The following MYO1D variants were observed in gnomAD, a reference collection of about 807,000 sequenced individuals.
MYO1D encodes the protein unconventional myosin-Id.
MYO1D carries 83 observed loss-of-function variants against 122.0 expected under a neutral mutation model. The observed-to-expected ratio is 0.68, with a 90% confidence interval of 0.57 to 0.82. The LOEUF is 0.82. MYO1D is among the 40% of genes least tolerant of loss of function. The pLI is 0.00. For synonymous variants in MYO1D, 464 were observed against 446.9 expected (o/e 1.04, Z -0.48); for missense variants, 1,157 against 1,269.5 (o/e 0.91, Z 1.35).
At chr17:32,607,928 A>G (rs2087649039) in intron 20 of MYO1D, among the ~76,000 whole-genome samples, 2 of 152,306 alleles carry the variant, frequency 1.3e-5, no homozygotes, top group Admixed American at 1.3e-4. Flanking sequence ...GAACATTTGG[A>G]CACCCCCATG....
chr17:32,593,286 C>T (rs1316783603), intron 21 of MYO1D, among the ~76,000 whole-genome samples: 2 of 152,152 alleles, frequency 1.3e-5, no homozygotes, highest in Non-Finnish European at 2.9e-5. Flanking sequence ...GTGAACCTGG[C>T]AAGACAAGAG....
chr17:32,865,142 G>A (rs1050081631), intron 1 of MYO1D, among the ~76,000 whole-genome samples: 4 of 152,084 alleles, frequency 2.6e-5, no homozygotes, highest in African/African-American at 9.7e-5. Flanking sequence ...GACCAATGAT[G>A]GGGTTTATCC....
chr17:32,672,808 GCA>G (rs1327025146), intron 16 of MYO1D, among the ~76,000 whole-genome samples: 1 of 152,032 alleles, frequency 6.6e-6, no homozygotes, highest in Non-Finnish European at 1.5e-5. Context: ...AATGGCATCA[GCA>G]CAGTTTTCAT....
chr17:32,719,408 G>A (rs892842283), intron 15 of MYO1D, among the ~76,000 whole-genome samples: 1 of 145,662 alleles, frequency 6.9e-6, no homozygotes, highest in Middle Eastern at 3.9e-3. Context: ...GGAGTGCAGT[G>A]GCATGATCTT....
At chr17:32,613,667 G>C (rs941903872) in intron 20 of MYO1D, among the ~76,000 whole-genome samples, 3 of 151,544 alleles carry the variant, frequency 2.0e-5, no homozygotes, top group Admixed American at 1.3e-4. Flanking sequence ...CCAGCTACTC[G>C]GGGGGCTGAG....
chr17:32,686,634 G>C (rs1325372206), intron 16 of MYO1D: 1 of 152,222 alleles, frequency 6.6e-6, no homozygotes, highest in Non-Finnish European at 1.5e-5. Context: ...GGGAGGCTGA[G>C]ACAGGAGGAT....
intron 16 of MYO1D, among the ~76,000 whole-genome samples, chr17:32,694,775 G>A (rs558188607): frequency 1.4e-5 from 2 of 147,040 alleles, no homozygotes; most frequent in Non-Finnish European, 3.0e-5. Context: ...ATATCCAACT[G>A]CTTGCTGGTC....
intron 1 of MYO1D, among the ~76,000 whole-genome samples, chr17:32,815,797 G>A (rs1209299233): frequency 3.3e-5 from 5 of 152,190 alleles, no homozygotes; most frequent in Admixed American, 6.5e-5. Flanking sequence ...AGTGATTACC[G>A]TCTCTGCCAC....
chr17:32,813,963 T>C (rs1444941552), intron 1 of MYO1D, among the ~76,000 whole-genome samples: 3 of 152,224 alleles, frequency 2.0e-5, no homozygotes, highest in African/African-American at 7.2e-5. Context: ...GAAGGTTTAA[T>C]ACAAACTAGC....
At chr17:32,726,438 A>T (rs891099776) in intron 14 of MYO1D, among the ~76,000 whole-genome samples, 12 of 150,668 alleles carry the variant, frequency 8.0e-5, no homozygotes, top group Non-Finnish European at 1.5e-4. Flanking sequence ...AAGAAAAGAA[A>T]AAGAAAAAAA....
intron 21 of MYO1D, among the ~76,000 whole-genome samples, chr17:32,597,886 A>AG (rs1308946644): frequency 0.032 from 4,858 of 150,392 alleles, 311 homozygotes; most frequent in African/African-American, 0.11. Context: ...AAAAAAAAAA[A>AG]AAAAAAGAAA....
intron 21 of MYO1D, among the ~76,000 whole-genome samples, chr17:32,570,018 T>C (rs1017178927): frequency 1.3e-5 from 2 of 152,162 alleles, no homozygotes; most frequent in African/African-American, 4.8e-5. Context: ...ATTAAATAAA[T>C]CACCAAGGGA....
chr17:32,751,400 C>T (rs2089897315), intron 11 of MYO1D, among the ~76,000 whole-genome samples: 1 of 151,764 alleles, frequency 6.6e-6, no homozygotes, highest in Non-Finnish European at 1.5e-5. Context: ...GGTAAAAATC[C>T]CAAAGAAGAA....
At chr17:32,765,245 C>T (rs1354643238) in intron 7 of MYO1D, among the ~76,000 whole-genome samples, 164 bp from the exon 8 acceptor site, 2 of 152,104 alleles carry the variant, frequency 1.3e-5, no homozygotes, top group African/African-American at 4.8e-5. Flanking sequence ...TTCCCTTTCT[C>T]CGGACACTCA....
chr17:32,814,918 G>A (rs997193508), intron 1 of MYO1D, among the ~76,000 whole-genome samples: 2 of 152,174 alleles, frequency 1.3e-5, no homozygotes, highest in East Asian at 1.9e-4. Flanking sequence ...TTCAAGTTAC[G>A]CTGCGCATCA....
At chr17:32,561,679 G>T (rs1394133882) in intron 21 of MYO1D, among the ~76,000 whole-genome samples, 12 of 126,792 alleles carry the variant, frequency 9.5e-5, no homozygotes, top group African/African-American at 3.5e-4. Context: ...ACAGAGGGAG[G>T]CTCTGTCTCA....
chr17:32,550,436 C>G (rs950026887), intron 21 of MYO1D, among the ~76,000 whole-genome samples: 4 of 152,158 alleles, frequency 2.6e-5, no homozygotes, highest in Non-Finnish European at 4.4e-5. Flanking sequence ...TTTTTCAATA[C>G]TACAGAGTTG....
intron 20 of MYO1D, among the ~76,000 whole-genome samples, chr17:32,637,446 G>A (rs1052831372): frequency 6.6e-6 from 1 of 152,194 alleles, no homozygotes; most frequent in Non-Finnish European, 1.5e-5. Context: ...CACAGCGGGT[G>A]GATCACTTGA....
At chr17:32,786,637 T>A (rs186872873) in intron 1 of MYO1D, among the ~76,000 whole-genome samples, 313 of 152,306 alleles carry the variant, frequency 2.1e-3, no homozygotes, top group African/African-American at 7.3e-3. Context: ...CTGGCCAACA[T>A]GGCGAAACGC....
Sources: gnomAD v4.1 joint callset for allele counts (sites outside exome capture counted in the v4.1 genomes callset) on GRCh38, gnomAD v4.1.1 for gene constraint, MANE v1.5 for transcripts, NCBI Gene and HGNC (gene_info 2026-07-23, HGNC 2026-07-21) for gene names.